Variants in DSCAML1 observed in about 807,000 individuals in gnomAD.
DSCAML1 encodes the protein DS cell adhesion molecule like 1.
In DSCAML1, 38 loss-of-function variants were observed where a neutral mutation model predicts 200.5. The ratio of observed to expected loss-of-function variants is 0.19; its 90% CI spans 0.15 to 0.25. The LOEUF is 0.25. DSCAML1 is among the 10% of genes least tolerant of loss of function. DSCAML1 has a pLI of 1.00. For missense variants in DSCAML1, 2,223 were observed against 2,858.8 expected (o/e 0.78, Z 5.07); for synonymous variants, 1,215 against 1,165.0 (o/e 1.04, Z -0.87).
Position 117,675,142 on chromosome 11 carries a change from A to G in DSCAML1, c.511+101649T>C, listed in dbSNP as rs77426795. 6.5e-3 allele frequency among the ~76,000 whole-genome samples: 991 copies of G among 152,360 alleles called. 16 individuals are homozygous for G. The highest frequency in any genetic ancestry group is 0.022 in the African/African-American group (924 of 41,572). ...CTCCACAAGCATGTGATGAAGATGT[A>G]TGAGTTAACATATGTGAAGAACTTA... On this transcript the variant is annotated intron_variant, in intron 3 of 32. Coordinates refer to ENST00000651296, the MANE Select transcript of DSCAML1 (RefSeq NM_020693.4).
chr11:117,717,715 G>T lies in DSCAML1; in HGVS notation c.511+59076C>A, dbSNP rs551330621. On this transcript the variant is annotated intron_variant, in intron 3 of 32. Transcript: ENST00000651296. ...GTGGCCACATTCACCCCATACTCAC[G>T]CTCCCACAATGCCAAGCCCAGTGCC... Among the ~76,000 whole-genome samples the T allele has an allele frequency of 5.4e-4, 82 of 152,182 alleles. 1 individual carries two copies. In the Middle Eastern group the frequency reaches 0.01, roughly 19 times the overall value.
chr11:117,448,339 C>G (rs758501741), intron 20 of DSCAML1, among the ~76,000 whole-genome samples: 1 of 152,128 alleles, frequency 6.6e-6, no homozygotes, highest in Non-Finnish European at 1.5e-5. Flanking sequence ...AGGCTGCTAC[C>G]GATTCATTCT....
intron 3 of DSCAML1, among the ~76,000 whole-genome samples, chr11:117,685,762 G>A (rs1267234079): frequency 6.6e-6 from 1 of 152,200 alleles, no homozygotes; most frequent in Non-Finnish European, 1.5e-5. Flanking sequence ...GGTCCCAGGG[G>A]TGTGGCTAGG....
intron 3 of DSCAML1, among the ~76,000 whole-genome samples, chr11:117,724,136 C>T (rs1404259720): frequency 6.6e-6 from 1 of 152,202 alleles, no homozygotes; most frequent in African/African-American, 2.4e-5. Context: ...CCTGTCTCAC[C>T]TCATCTGGAG....
chr11:117,752,392 A>T (rs541921067), intron 3 of DSCAML1, among the ~76,000 whole-genome samples: 53 of 152,298 alleles, frequency 3.5e-4, no homozygotes, highest in African/African-American at 1.1e-3. Context: ...GGGAACACAC[A>T]ATTTTAAGTG....
In DSCAML1 at chr11:117,437,374, G is replaced by A. The variant is rs1233030102; in HGVS notation, c.4468C>T (p.His1490Tyr). Residue 1490 changes from histidine (H) to tyrosine (Y), a missense_variant, in exon 26 of 33, where the codon CAC becomes TAC. By Grantham distance (83) the His-to-Tyr change is moderately conservative. Transcript: ENST00000651296. This position sits in a 1 kb window ranked among gnomAD's most constrained non-coding sequence, Gnocchi z 5.3. The part of the protein sequence containing the change: ...SFSKDQHLFT[H>Y]INSTHARLNL... ...AGCCGAGCATGCGTGGAGTTGATGT[G>A]GGTGAAGAGGTGTTGGTCTTTGCTG... 1.2e-6 allele frequency: 2 copies of A among 1,613,982 alleles called. No individual in the cohort carries two copies. The highest frequency in any genetic ancestry group is 8.5e-7 in the Non-Finnish European group (1 of 1,179,948).
chr11:117,482,324 C>T (rs576409256), intron 11 of DSCAML1, among the ~76,000 whole-genome samples, 162 bp from the exon 12 acceptor site: 9 of 152,322 alleles, frequency 5.9e-5, no homozygotes, highest in Admixed American at 3.3e-4. Flanking sequence ...TCTCCCACAT[C>T]CATCCATGAC....
At chr11:117,451,920 G>T (rs2048291184) in intron 19 of DSCAML1, among the ~76,000 whole-genome samples, 1 of 151,978 alleles carries the variant, frequency 6.6e-6, no homozygotes, top group Non-Finnish European at 1.5e-5. Context: ...ACTCTCAGCT[G>T]ATGGCACCTA....
At chr11:117,432,532 G>A (rs1440394240) in intron 29 of DSCAML1, 28 bp from the exon 30 acceptor site, 2 of 1,603,590 alleles carry the variant, frequency 1.2e-6, no homozygotes, top group Non-Finnish European at 1.7e-6. Context: ...ATTACTGGGA[G>A]TCCTTTACAA....
chr11:117,636,338 G>GA (rs1403959590), intron 3 of DSCAML1, among the ~76,000 whole-genome samples: 1 of 152,128 alleles, frequency 6.6e-6, no homozygotes, highest in Admixed American at 6.5e-5. Context: ...TAATTAAAAG[G>GA]AAAAAATCCT....
At position 117,458,776 on chromosome 11, in the gene DSCAML1, G is replaced by T; in HGVS notation, c.3546C>A (p.Leu1182=). The T allele has an allele frequency of 6.2e-7, 1 of 1,613,590 alleles. No individual in the cohort carries two copies. ...QAGDGVRSSV[L]YIQTKEDVPG... ...CACCGTCCTCCTTGGTCTGGATGTA[G>T]AGCACACTGCTGCGTACGCCGTCCC... The change falls in exon 19 of 33, where the codon CTC becomes CTA. Residue 1182 remains leucine (L), a synonymous_variant. Coordinates refer to ENST00000651296, the MANE Select transcript of DSCAML1 (RefSeq NM_020693.4).
intron 1 of DSCAML1, among the ~76,000 whole-genome samples, chr11:117,788,291 TTTGTTTTGTTGTTG>T (rs1488401120): frequency 3.9e-5 from 6 of 152,058 alleles, no homozygotes; most frequent in Admixed American, 3.9e-4. Flanking sequence ...GTTTTTTTGG[TTTGTTTTGTTGTTG>T]TTGTTTTGTT....
At chr11:117,441,015 G>A (rs1237268478) in intron 21 of DSCAML1, among the ~76,000 whole-genome samples, 2 of 151,990 alleles carry the variant, frequency 1.3e-5, no homozygotes, top group Admixed American at 6.6e-5. Flanking sequence ...GGTGGAGGGG[G>A]TCCTGGAGGA....
At chr11:117,478,359 C>G (rs2048840445) in intron 14 of DSCAML1, among the ~76,000 whole-genome samples, 1 of 152,160 alleles carries the variant, frequency 6.6e-6, no homozygotes, top group Non-Finnish European at 1.5e-5. Flanking sequence ...ACCCTCTGGA[C>G]CCAGCCCTTC....
At chr11:117,543,594 A>C (rs1565778231) in intron 3 of DSCAML1, among the ~76,000 whole-genome samples, 3 of 152,100 alleles carry the variant, frequency 2.0e-5, no homozygotes, top group Admixed American at 2.0e-4. Context: ...TACTATACAG[A>C]GCTCTGTATT....
intron 19 of DSCAML1, among the ~76,000 whole-genome samples, chr11:117,451,038 TA>T (rs1405995423): frequency 6.6e-6 from 1 of 152,176 alleles, no homozygotes; most frequent in East Asian, 1.9e-4. Context: ...ACCCCCTTAC[TA>T]ACTGTAAGCA....
intron 3 of DSCAML1, among the ~76,000 whole-genome samples, chr11:117,612,274 T>C (rs2051710765): frequency 6.6e-6 from 1 of 152,216 alleles, no homozygotes; most frequent in African/African-American, 2.4e-5. Context: ...ACCGCCTCCC[T>C]GTAGCCTGCC....
chr11:117,517,585 T>C (rs966838216), intron 7 of DSCAML1, among the ~76,000 whole-genome samples: 1 of 152,196 alleles, frequency 6.6e-6, no homozygotes, highest in Non-Finnish European at 1.5e-5. Context: ...CCCACACTTC[T>C]GTCAGGAGTC....
At chr11:117,592,245 C>T (rs1360764297) in intron 3 of DSCAML1, among the ~76,000 whole-genome samples, 19 of 152,170 alleles carry the variant, frequency 1.2e-4, no homozygotes, top group Admixed American at 1.2e-3. Context: ...CCCTCCACTC[C>T]GTAACTCACA....
Sources: allele counts gnomAD v4.1 joint callset (sites outside exome capture counted in the v4.1 genomes callset), GRCh38; gene constraint gnomAD v4.1.1; non-coding constraint Gnocchi (gnomAD v3.1); transcripts MANE v1.5; gene names NCBI Gene and HGNC (gene_info 2026-07-23, HGNC 2026-07-21).